The following ADARB2 variants were observed in gnomAD, a reference collection of about 807,000 sequenced individuals.
ADARB2 encodes the protein adenosine deaminase RNA specific B2 (inactive).
A neutral mutation model predicts 62.2 loss-of-function variants in ADARB2; 25 were observed. The ratio of observed to expected loss-of-function variants is 0.40; its 90% CI spans 0.29 to 0.56. The LOEUF is 0.56. ADARB2 is among the 20% of genes least tolerant of loss of function. The pLI is 0.43. For missense variants in ADARB2, 1,071 were observed against 1,077.4 expected, an observed-to-expected ratio of 0.99 and a Z score of 0.08; for synonymous variants, 572 against 500.8, an observed-to-expected ratio of 1.14 and a Z score of -1.90.
At chr10:1,585,412 C>G (rs1334734845) in intron 1 of ADARB2, among the ~76,000 whole-genome samples, 1 of 152,150 alleles carries the variant, frequency 6.6e-6, no homozygotes, top group African/African-American at 2.4e-5. Flanking sequence ...ATGCTTCCCT[C>G]GTGATTTGCC....
intron 1 of ADARB2, among the ~76,000 whole-genome samples, chr10:1,531,275 C>G (rs767075028): frequency 6.6e-6 from 1 of 152,188 alleles, no homozygotes; most frequent in Non-Finnish European, 1.5e-5. Flanking sequence ...TTTCACAAGT[C>G]GATCCCATCA....
rs575332734 is a variant in ADARB2, at chr10:1,704,130, G to T, written c.100+32921C>A. Among the ~76,000 whole-genome samples, 3 of 152,302 alleles carry T rather than the reference G, an allele frequency of 2.0e-5. No individual in the cohort carries two copies. In the East Asian group the frequency reaches 5.8e-4, roughly 29 times the overall value. On this transcript the variant is annotated intron_variant, in intron 1 of 9. Transcript: ENST00000381312. The surrounding 1 kb of genome is among the most constrained non-coding windows in gnomAD (Gnocchi z 5.6). ...ACTCTTGCTGTAAGACAGCGGTCCT[G>T]TCCCCAACCTTTCTGGCACCAGGGA...
intron 7 of ADARB2, among the ~76,000 whole-genome samples, chr10:1,208,803 C>G (rs1422807573): frequency 6.6e-6 from 1 of 152,212 alleles, no homozygotes; most frequent in East Asian, 1.9e-4. Flanking sequence ...TTCCTGCCCT[C>G]TGGGAGGGCC....
intron 1 of ADARB2, among the ~76,000 whole-genome samples, chr10:1,595,127 G>C (rs908557377): frequency 1.3e-5 from 2 of 152,222 alleles, no homozygotes; most frequent in Non-Finnish European, 2.9e-5. Context: ...GCTTGGGAAC[G>C]GTGCACTTAT....
At chr10:1,318,741 A>G (rs1290613043) in intron 3 of ADARB2, among the ~76,000 whole-genome samples, 1 of 152,174 alleles carries the variant, frequency 6.6e-6, no homozygotes, top group Non-Finnish European at 1.5e-5. Context: ...GTCAGAAGGA[A>G]TATCGGGGAG....
intron 3 of ADARB2, among the ~76,000 whole-genome samples, chr10:1,353,041 T>C (rs117220884): frequency 0.017 from 2,550 of 152,184 alleles, 33 homozygotes; most frequent in Non-Finnish European, 0.023. Flanking sequence ...TAGAAATCTA[T>C]CCTCAAGGAA....
In ADARB2 at chr10:1,538,817, C is replaced by T. The variant is rs570431004; in HGVS notation, c.101-159657G>A. Among the ~76,000 whole-genome samples the T allele has an allele frequency of 2.6e-5, 4 of 152,264 alleles. No individual in the cohort carries two copies. In the East Asian group the frequency reaches 7.7e-4, roughly 29 times the overall value. On this transcript the variant is annotated intron_variant, in intron 1 of 9. Coordinates refer to ENST00000381312, the MANE Select transcript of ADARB2 (RefSeq NM_018702.4). Reference sequence around the variant, plus strand: ...GCCTCTGCTGCCCATGCCGCCTGACCCTGGCTGCTGCCGCATGCAGTGGAC... The same window carrying T: ...GCCTCTGCTGCCCATGCCGCCTGACTCTGGCTGCTGCCGCATGCAGTGGAC...
chr10:1,206,717 T>C (rs182202050), intron 7 of ADARB2, among the ~76,000 whole-genome samples: 1 of 152,122 alleles, frequency 6.6e-6, no homozygotes, highest in African/African-American at 2.4e-5. Context: ...TGCGTCTCTG[T>C]ATTGGGTTGG....
intron 1 of ADARB2, among the ~76,000 whole-genome samples, chr10:1,614,007 T>C (rs776821158): frequency 1.2e-4 from 19 of 152,220 alleles, no homozygotes; most frequent in Non-Finnish European, 1.2e-4. Flanking sequence ...TGTGATAGAG[T>C]GCTTATTCAG....
chr10:1,354,945 C>G (rs1275203082), intron 3 of ADARB2, among the ~76,000 whole-genome samples: 2 of 152,224 alleles, frequency 1.3e-5, no homozygotes, highest in African/African-American at 2.4e-5. Flanking sequence ...TGGAGGTACC[C>G]AAGGCGGCAC....
chr10:1,522,068 G>A (rs1832080544), intron 1 of ADARB2, among the ~76,000 whole-genome samples: 1 of 152,098 alleles, frequency 6.6e-6, no homozygotes. Context: ...AGATTGTTAC[G>A]AAAAATGAAA....
intron 7 of ADARB2, among the ~76,000 whole-genome samples, chr10:1,213,046 G>A (rs555754652): frequency 6.6e-6 from 1 of 152,342 alleles, no homozygotes; most frequent in African/African-American, 2.4e-5. Flanking sequence ...GGCAGAAGGA[G>A]CAGCTCAGGG....
chr10:1,659,253 C>A (rs76215132), intron 1 of ADARB2, among the ~76,000 whole-genome samples: 2,642 of 152,236 alleles, frequency 0.017, 46 homozygotes, highest in East Asian at 0.07. Flanking sequence ...ATCTGCATTA[C>A]AATGAAAAGA....
chr10:1,327,976 CCTCACAGCGCCT>C (rs869159946), intron 3 of ADARB2, among the ~76,000 whole-genome samples: 37 of 83,690 alleles, frequency 4.4e-4, no homozygotes, highest in Non-Finnish European at 1.7e-4. Flanking sequence ...CTCAGCGCCT[CCTCACAGCGCCT>C]CCCCACAGCA....
intron 3 of ADARB2, among the ~76,000 whole-genome samples, chr10:1,312,445 C>T (rs1831700706): frequency 6.6e-6 from 1 of 152,250 alleles, no homozygotes; most frequent in South Asian, 2.1e-4. Flanking sequence ...CACTTCATCA[C>T]ATTTTGGCTT....
In ADARB2 at chr10:1,255,751, C is replaced by A. The variant is rs541662703; in HGVS notation, c.1193-13452G>T. ...TGCATGGTTCGCTAGACAGTGTGAC[C>A]TCATGAGAGTGGAGGGGATCCCTCC... On this transcript the variant is annotated intron_variant, in intron 4 of 9. Coordinates refer to ENST00000381312, the MANE Select transcript of ADARB2 (RefSeq NM_018702.4). The surrounding 1 kb of genome is among the most constrained non-coding windows in gnomAD (Gnocchi z 4.7). Among the ~76,000 whole-genome samples the A allele has an allele frequency of 2.6e-5, 4 of 152,318 alleles. No homozygotes were observed. The South Asian group carries it at 8.3e-4, about 32-fold the overall frequency.
intron 3 of ADARB2, among the ~76,000 whole-genome samples, chr10:1,282,904 G>A (rs1383261693): frequency 6.6e-6 from 1 of 152,174 alleles, no homozygotes; most frequent in Non-Finnish European, 1.5e-5. Context: ...CCAGAGAACT[G>A]AGTTATCTCA....
intron 1 of ADARB2, among the ~76,000 whole-genome samples, chr10:1,459,014 T>C (rs113433407): frequency 0.073 from 11,145 of 152,210 alleles, 518 homozygotes; most frequent in East Asian, 0.23. Flanking sequence ...CAAGTCAGAA[T>C]GGCTATTATT....
chr10:1,629,278 G>A (rs1341583043), intron 1 of ADARB2, among the ~76,000 whole-genome samples: 1 of 152,142 alleles, frequency 6.6e-6, no homozygotes, highest in Non-Finnish European at 1.5e-5. Context: ...GTTTCTACCT[G>A]CCAGTTTGCA....
Sources: allele counts gnomAD v4.1 joint callset (sites outside exome capture counted in the v4.1 genomes callset), GRCh38; gene constraint gnomAD v4.1.1; non-coding constraint Gnocchi (gnomAD v3.1); transcripts MANE v1.5; gene names NCBI Gene and HGNC (gene_info 2026-07-23, HGNC 2026-07-21).